The following HECTD2 variants were observed in gnomAD, a reference collection of about 807,000 sequenced individuals.
The protein encoded by HECTD2 is probable E3 ubiquitin-protein ligase HECTD2.
In HECTD2, 35 loss-of-function variants were observed where a neutral mutation model predicts 103.2. The observed-to-expected ratio is 0.34, with a 90% CI of 0.26 to 0.45. The LOEUF is 0.45. HECTD2 is among the 20% of genes least tolerant of loss of function. The probability of loss-of-function intolerance (pLI) is 1.00; values close to 1 mark genes in which losing one functional copy is unlikely to be tolerated. For synonymous variants in HECTD2, 281 were observed against 329.9 expected, an observed-to-expected ratio of 0.85 and a Z score of 1.61; for missense variants, 596 against 937.4, an observed-to-expected ratio of 0.64 and a Z score of 4.76.
rs1352948576 is a variant in HECTD2, at chr10:91,514,401, CTTTA to C, written c.*2025_*2028del. ...CATTTATCACTAAATTGCACATTGC[CTTTA>C]TTTATTTGTGCTCTGTTTTTGGTTT... is the stretch of plus-strand genomic sequence containing the variant. On this transcript the variant is annotated 3_prime_UTR_variant, in exon 21 of 21. Coordinates refer to ENST00000298068, the MANE Select transcript of HECTD2 (RefSeq NM_182765.6). The C allele has an allele frequency of 3.3e-5, 5 of 152,436 alleles. No individual in the cohort carries two copies. The highest frequency in any genetic ancestry group is 4.8e-5 in the African/African-American group (2 of 41,402). The allele number at this position is 152,436 out of a possible 1,614,324, so 9.4% of individuals were successfully genotyped here.
intron 18 of HECTD2, 131 bp downstream of exon 18, chr10:91,499,281 C>CTACTTTT: frequency 1.7e-6 from 1 of 581,622 alleles, no homozygotes. Context: ...AAAAGTAGAA[C>CTACTTTT]TAAAAACAAA....
intron 2 of HECTD2, among the ~76,000 whole-genome samples, chr10:91,429,895 T>A (rs1430284555): frequency 1.3e-5 from 2 of 152,118 alleles, no homozygotes; most frequent in African/African-American, 4.8e-5. Context: ...CTGCTCTGAT[T>A]TTAGTTATTT....
intron 15 of HECTD2, among the ~76,000 whole-genome samples, chr10:91,497,126 ATTTTTTTTTTTTT>A (rs56923120): frequency 3.1e-5 from 3 of 97,368 alleles, no homozygotes; most frequent in African/African-American, 1.0e-4. Flanking sequence ...TGCCCGGCAA[ATTTTTTTTTTTTT>A]TTTTTTTTTT....
At chr10:91,457,726 C>A (rs975812370) in intron 2 of HECTD2, among the ~76,000 whole-genome samples, 1 of 151,898 alleles carries the variant, frequency 6.6e-6, no homozygotes, top group African/African-American at 2.4e-5. Context: ...AATGCTTTTA[C>A]CTTAAGTTTG....
In HECTD2 at chr10:91,425,427, T is replaced by A; in HGVS notation, c.268+17T>A. ...TCAAGAATGGTAAATAATTTTTAAATATATTTTGGCTAAAAGTATATTTTT... is the reference window on the plus strand; with the variant it reads ...TCAAGAATGGTAAATAATTTTTAAAAATATTTTGGCTAAAAGTATATTTTT... On this transcript the variant is annotated intron_variant, in intron 2 of 20. Transcript: ENST00000298068. 1.4e-6 allele frequency: 2 copies of A among 1,462,070 alleles called. No individual in the cohort carries two copies. The highest frequency in any genetic ancestry group is 1.8e-6 in the Non-Finnish European group (2 of 1,096,296). 90.6% of individuals were successfully genotyped at this position (1,462,070 alleles called of 1,614,324 possible).
At chr10:91,413,048 C>G (rs951429536) in intron 1 of HECTD2, among the ~76,000 whole-genome samples, 1 of 152,004 alleles carries the variant, frequency 6.6e-6, no homozygotes. Flanking sequence ...TTGCCCCAGC[C>G]TAATGGTTCT....
intron 2 of HECTD2, among the ~76,000 whole-genome samples, chr10:91,431,649 C>T (rs1843877700): frequency 6.6e-6 from 1 of 152,044 alleles, no homozygotes; most frequent in African/African-American, 2.4e-5. Flanking sequence ...ATCACTGATA[C>T]CCTTTCTTCC....
intron 2 of HECTD2, among the ~76,000 whole-genome samples, chr10:91,433,414 G>T (rs1485646646): frequency 6.6e-6 from 1 of 151,882 alleles, no homozygotes; most frequent in Non-Finnish European, 1.5e-5. Context: ...CACCTTTGGT[G>T]GGTAACTATG....
rs200477290 is a variant in HECTD2 at position 91,504,489 on chromosome 10, T to A, written c.2210+3155T>A. On this transcript the variant is annotated intron_variant, in intron 20 of 20. Transcript: ENST00000298068. The stretch of plus-strand genomic sequence containing the variant: ...GAACCACGTGAAGAATGCAGAAGCC[T>A]CAGGAGCCAATGCGATAAACTGGAA... Among the ~76,000 whole-genome samples, 100 of 152,090 alleles carry A rather than the reference T, an allele frequency of 6.6e-4. 1 individual carries two copies. The East Asian group carries it at 9.5e-3, about 14-fold the overall frequency.
chr10:91,489,374 A>G lies in HECTD2; in HGVS notation c.1191+1596A>G, dbSNP rs535576383. 11 of 152,308 alleles carry G rather than the reference A, an allele frequency of 7.2e-5. 1 individual carries two copies. The South Asian group carries it at 2.1e-3, about 29-fold the overall frequency. 9.4% of individuals were successfully genotyped at this position (152,308 alleles called of 1,614,324 possible). Reference sequence around the variant, plus strand: ...TATTTTGACACAAGGACAATCTTACAAATAGTCAGTGTAAGCAAGAGCTTA... The same window carrying G: ...TATTTTGACACAAGGACAATCTTACGAATAGTCAGTGTAAGCAAGAGCTTA... On this transcript the variant is annotated intron_variant, in intron 11 of 20. Coordinates refer to ENST00000298068, the MANE Select transcript of HECTD2 (RefSeq NM_182765.6).
intron 1 of HECTD2, among the ~76,000 whole-genome samples, chr10:91,410,919 G>T (rs1842893572): frequency 6.6e-6 from 1 of 152,196 alleles, no homozygotes. Context: ...ATAGGTGTCA[G>T]CAGGCGGGAG....
At chr10:91,464,133 C>A (rs1403847083) in intron 5 of HECTD2, among the ~76,000 whole-genome samples, 1 of 152,140 alleles carries the variant, frequency 6.6e-6, no homozygotes, top group African/African-American at 2.4e-5. Flanking sequence ...TAAATGATAA[C>A]CACTTCCCTA....
chr10:91,477,231 T>C (rs1230482649), intron 5 of HECTD2, among the ~76,000 whole-genome samples: 5 of 149,274 alleles, frequency 3.3e-5, no homozygotes, highest in Non-Finnish European at 5.9e-5. Context: ...AGATGCCAAG[T>C]GTGTAGCAAG....
At chr10:91,467,149 A>G (rs1280989992) in intron 5 of HECTD2, among the ~76,000 whole-genome samples, 1 of 152,026 alleles carries the variant, frequency 6.6e-6, no homozygotes, top group African/African-American at 2.4e-5. Context: ...TCCTGTGGAA[A>G]GGGTGAGTTG....
intron 6 of HECTD2, among the ~76,000 whole-genome samples, chr10:91,478,919 TATATTTTAATA>T (rs1314699308): frequency 6.6e-6 from 1 of 152,132 alleles, no homozygotes; most frequent in African/African-American, 2.4e-5. Flanking sequence ...ATGTACCATA[TATATTTTAATA>T]ATATTTTAAT....
chr10:91,471,698 A>G lies in HECTD2; in HGVS notation c.601-6503A>G, dbSNP rs141813198. Among the ~76,000 whole-genome samples the G allele has an allele frequency of 7.0e-4, 107 of 152,312 alleles. 3 individuals are homozygous for G. In the East Asian group the frequency reaches 0.019, roughly 27 times the overall value. ...AGCAGAGAGCCAAATCAAGAACGCA[A>G]TTCCACTCACAATAGCCACAAAAAG... is the stretch of plus-strand genomic sequence containing the variant. On this transcript the variant is annotated intron_variant, in intron 5 of 20. Transcript: ENST00000298068.
intron 1 of HECTD2, among the ~76,000 whole-genome samples, chr10:91,416,995 G>C (rs1843153803): frequency 6.6e-6 from 1 of 152,200 alleles, no homozygotes; most frequent in African/African-American, 2.4e-5. Context: ...ACTATTGCCA[G>C]AGTAGCAACT....
At chr10:91,470,815 C>G (rs962359220) in intron 5 of HECTD2, among the ~76,000 whole-genome samples, 3 of 152,010 alleles carry the variant, frequency 2.0e-5, no homozygotes. Flanking sequence ...AAAAAAAGCC[C>G]AGAACCAAGT....
At chr10:91,413,702 C>T (rs1045292109) in intron 1 of HECTD2, among the ~76,000 whole-genome samples, 7 of 152,090 alleles carry the variant, frequency 4.6e-5, no homozygotes, top group Admixed American at 3.3e-4. Flanking sequence ...TGTGGAGCAG[C>T]GTTTGAAATG....
Sources: allele counts gnomAD v4.1 joint callset (sites outside exome capture counted in the v4.1 genomes callset), GRCh38; gene constraint gnomAD v4.1.1; transcripts MANE v1.5; gene names NCBI Gene and HGNC (gene_info 2026-07-23, HGNC 2026-07-21).